Variants in PSMG2 observed in about 807,000 individuals in gnomAD.
PSMG2 encodes the protein proteasome assembly chaperone 2.
In PSMG2, 21 loss-of-function variants were observed where a neutral mutation model predicts 31.5. That is an observed-to-expected ratio of 0.67 (90% CI 0.47 to 0.96). PSMG2 has a LOEUF of 0.96. Among genes scored for constraint, PSMG2 ranks in the 40% least tolerant of loss-of-function variants. The pLI, the probability that PSMG2 is intolerant of heterozygous loss-of-function variation, is 0.00. For synonymous variants in PSMG2, 120 were observed against 110.4 expected (o/e 1.09, Z -0.54); for missense variants, 318 against 321.2 (o/e 0.99, Z 0.08).
chr18:12,698,892 C>T (rs557100733), upstream of PSMG2: 122 of 960,694 alleles, frequency 1.3e-4, no homozygotes, highest in Non-Finnish European at 1.8e-4. Context: ...TAAATCTCTC[C>T]TTACAGAAAA....
upstream of PSMG2, among the ~76,000 whole-genome samples, chr18:12,698,231 C>T (rs1036051738): frequency 1.3e-5 from 2 of 150,992 alleles, no homozygotes; most frequent in Non-Finnish European, 3.0e-5. Flanking sequence ...AATATTTATT[C>T]ATTTATTTAT....
intron 3 of PSMG2, among the ~76,000 whole-genome samples, chr18:12,714,138 A>G (rs1043637285): frequency 1.7e-4 from 26 of 152,342 alleles, no homozygotes; most frequent in African/African-American, 6.0e-4. Context: ...GAGGCTGTAT[A>G]TCTGTGCTAA....
At chr18:12,674,685 A>G (rs2039057862) in intron 1 of PSMG2, 1 of 1,614,150 alleles carries the variant, frequency 6.2e-7, no homozygotes, top group Non-Finnish European at 8.5e-7. Context: ...GCTCAAATTC[A>G]TAAGAAGCCA....
Position 12,686,425 on chromosome 18 carries a change from A to G in PSMG2, c.-36-20125A>G, listed in dbSNP as rs1231560051. ...TCGAAGTGGTTTAACATAGGAACAG[A>G]CTGGTCTATTTATCCCATTTTCATC... On this transcript the variant is annotated intron_variant, in intron 1 of 6. Transcript: ENST00000585331. 6.8e-6 allele frequency: 11 copies of G among 1,613,272 alleles called. No individual in the cohort carries two copies. The highest frequency in any genetic ancestry group is 5.0e-5 in the Admixed American group (3 of 59,858).
chr18:12,665,894 A>G (rs917070240), intron 1 of PSMG2, among the ~76,000 whole-genome samples: 2 of 152,132 alleles, frequency 1.3e-5, no homozygotes, highest in Admixed American at 1.3e-4. Context: ...ACAGGGTTTC[A>G]CCATGTTGGC....
intron 1 of PSMG2, chr18:12,674,905 G>T: frequency 4.0e-6 from 2 of 494,734 alleles, no homozygotes; most frequent in Non-Finnish European, 6.8e-6. Context: ...GGGATACATA[G>T]AAATAAAAAT....
chr18:12,661,648 G>T (rs1477913103), intron 1 of PSMG2, among the ~76,000 whole-genome samples: 1 of 150,084 alleles, frequency 6.7e-6, no homozygotes, highest in Non-Finnish European at 1.5e-5. Flanking sequence ...GGTGATGCAT[G>T]CCTGTAATCC....
rs187403198 is a variant in PSMG2 at position 12,697,448 on chromosome 18, A to G, written c.-36-9102A>G. The stretch of plus-strand genomic sequence containing the variant: ...CAAACGAAATTATACCACACTACAT[A>G]TTCAGTTAGGCCAACATAAAAGAAT... On this transcript the variant is annotated intron_variant, in intron 1 of 6. Coordinates refer to the PSMG2 transcript ENST00000585331. 7.3e-5 allele frequency: 98 copies of G among 1,339,862 alleles called. 1 individual carries two copies. Among genetic ancestry groups the G allele is most frequent in the Non-Finnish European group, 5.7e-5 (55 of 960,660 alleles). 83.0% of individuals were successfully genotyped at this position (1,339,862 alleles called of 1,614,324 possible). A position where few individuals can be genotyped will look rare whatever the true frequency, so the allele number is the denominator to read the frequency against.
At chr18:12,707,467 T>C (rs1185784858) in intron 2 of PSMG2, among the ~76,000 whole-genome samples, 1 of 152,172 alleles carries the variant, frequency 6.6e-6, no homozygotes, top group Non-Finnish European at 1.5e-5. Flanking sequence ...AGTCATCTTC[T>C]TCCATTATAG....
chr18:12,661,641 G>A (rs972560646), intron 1 of PSMG2, among the ~76,000 whole-genome samples: 1 of 151,984 alleles, frequency 6.6e-6, no homozygotes, highest in African/African-American at 2.4e-5. Context: ...CAGGCATGGT[G>A]ATGCATGCCT....
intron 5 of PSMG2, among the ~76,000 whole-genome samples, chr18:12,720,941 GGATCAC>G (rs1475701708): frequency 1.3e-5 from 2 of 152,120 alleles, no homozygotes; most frequent in African/African-American, 2.4e-5. Context: ...CGAGGCAGGC[GGATCAC>G]GAGGTCAGAT....
chr18:12,677,188 C>G (rs2039166495), intron 1 of PSMG2, among the ~76,000 whole-genome samples: 2 of 152,090 alleles, frequency 1.3e-5, no homozygotes, highest in South Asian at 4.1e-4. Context: ...CGCAGTGGCT[C>G]ACAACTGTAA....
intron 1 of PSMG2, among the ~76,000 whole-genome samples, chr18:12,669,844 A>C (rs1170863656): frequency 6.6e-6 from 1 of 151,636 alleles, no homozygotes; most frequent in Admixed American, 6.6e-5. Context: ...CTACTTAAAA[A>C]AAATTAGCCA....
chr18:12,690,635 T>C (rs1467781461), intron 1 of PSMG2, among the ~76,000 whole-genome samples: 2 of 152,134 alleles, frequency 1.3e-5, no homozygotes, highest in African/African-American at 2.4e-5. Context: ...TTTTGTGTTT[T>C]TAGTAGAAAC....
At chr18:12,716,948 CTTTTTTTTT>C (rs56726339) in intron 3 of PSMG2, among the ~76,000 whole-genome samples, 1 of 116,780 alleles carries the variant, frequency 8.6e-6, no homozygotes. Flanking sequence ...TTTTCTTTTA[CTTTTTTTTT>C]TTTTTTTTTT....
At position 12,719,904 on chromosome 18, in the gene PSMG2, T is replaced by C. The variant is rs1035158308; in HGVS notation, c.408-606T>C. ...ACACCCGGCTAATTTTTTGTGTTTT[T>C]AGTAGAGACAGGATATTGGCCAGGC... On this transcript the variant is annotated intron_variant, in intron 4 of 6. Transcript: ENST00000317615. Among the ~76,000 whole-genome samples the C allele has an allele frequency of 2.0e-5, 3 of 150,402 alleles. No homozygotes were observed. In the East Asian group the frequency reaches 6.0e-4, roughly 30 times the overall value.
intron 1 of PSMG2, chr18:12,673,251 T>C: frequency 6.9e-7 from 1 of 1,445,306 alleles, no homozygotes; most frequent in Non-Finnish European, 9.1e-7. Flanking sequence ...AATTGAAGTA[T>C]GCCATTCAAG....
chr18:12,709,377 AGT>A (rs1040965637), intron 2 of PSMG2, among the ~76,000 whole-genome samples: 1 of 151,532 alleles, frequency 6.6e-6, no homozygotes, highest in African/African-American at 2.4e-5. Flanking sequence ...CACAGGCTGG[AGT>A]GTGGTGGCGG....
At chr18:12,669,220 C>T (rs1402288117) in intron 1 of PSMG2, among the ~76,000 whole-genome samples, 1 of 151,624 alleles carries the variant, frequency 6.6e-6, no homozygotes, top group Non-Finnish European at 1.5e-5. Flanking sequence ...TGAAGCGATT[C>T]TCCTGTCTCA....
Sources: gnomAD v4.1 joint callset for allele counts (sites outside exome capture counted in the v4.1 genomes callset) on GRCh38, gnomAD v4.1.1 for gene constraint, MANE v1.5 for transcripts, NCBI Gene and HGNC (gene_info 2026-07-23, HGNC 2026-07-21) for gene names.